SMOX: variants seen among roughly 807,000 people sequenced by gnomAD.
SMOX encodes the protein flavin containing amine oxidase.
SMOX carries 22 observed loss-of-function variants against 51.0 expected under a neutral mutation model. That is an observed-to-expected ratio of 0.43 (90% CI 0.31 to 0.62). The LOEUF (loss-of-function observed/expected upper bound fraction) is 0.62, where lower values mean the gene tolerates loss of function less well. SMOX is among the 20% of genes least tolerant of loss of function. The pLI, the probability that SMOX is intolerant of heterozygous loss-of-function variation, is 0.10. For synonymous variants in SMOX, 282 were observed against 307.8 expected, an observed-to-expected ratio of 0.92 and a Z score of 0.88; for missense variants, 566 against 777.7, an observed-to-expected ratio of 0.73 and a Z score of 3.24.
intron 1 of SMOX, among the ~76,000 whole-genome samples, chr20:4,164,383 C>T (rs1033420428): frequency 1.3e-5 from 2 of 152,184 alleles, no homozygotes; most frequent in African/African-American, 4.8e-5. Context: ...CATCTGCATG[C>T]GTTGTCACAC....
rs1468170400 is a variant in SMOX at position 4,181,935 on chromosome 20, A to G, written c.568A>G (p.Thr190Ala). ...GAATGACCCTGACGACCCAGAGGCTACCAAGCGCCTGAAGCTCGCCATGAT... is the reference window on the plus strand; with the variant it reads ...GAATGACCCTGACGACCCAGAGGCTGCCAAGCGCCTGAAGCTCGCCATGAT... ...IRNDPDDPEA[T>A]KRLKLAMIQQ... Residue 190 changes from threonine to alanine, a missense_variant, in exon 4 of 7, where the codon ACC becomes GCC. Physicochemically the swap from Thr to Ala is moderately conservative, Grantham distance 58. Around this residue, in one of 3 missense-constraint regions of SMOX, gnomAD observed 217 missense variants for 278.4 expected, o/e 0.78. Coordinates refer to ENST00000305958, the MANE Select transcript of SMOX (RefSeq NM_175839.3). This position sits in a 1 kb window ranked among gnomAD's most constrained non-coding sequence, Gnocchi z 5.6. The G allele has an allele frequency of 1.9e-6, 3 of 1,614,000 alleles. No homozygotes were observed. Among genetic ancestry groups the G allele is most frequent in the African/African-American group, 2.7e-5 (2 of 74,904 alleles).
chr20:4,183,059 G>A lies in SMOX; in HGVS notation c.1369+211G>A. ...TGACACACTCAGAATTATGGGCGCT[G>A]TGTCTCTTCCCCCTTTCTAAAGGCT... On this transcript the variant is annotated intron_variant, in intron 5 of 6. Coordinates refer to ENST00000305958, the MANE Select transcript of SMOX (RefSeq NM_175839.3). The surrounding 1 kb of genome is among the most constrained non-coding windows in gnomAD (Gnocchi z 4.3). 1 of 647,592 alleles carries A rather than the reference G, an allele frequency of 1.5e-6. No homozygotes were observed. Among genetic ancestry groups the A allele is most frequent in the East Asian group, 2.8e-5 (1 of 35,990 alleles). 40.1% of individuals were successfully genotyped at this position (647,592 alleles called of 1,614,324 possible).
Position 4,182,825 on chromosome 20 carries a change from C to T in SMOX, c.1346C>T (p.Thr449Met), listed in dbSNP as rs200727159. ...CDDEAVAEIC[T>M]EMLRQFTGNP... ...GACGAGGCAGTGGCCGAGATCTGCA[C>T]GGAGATGCTGCGTCAGTTCACAGGT... The change falls in exon 5 of 7, where the codon ACG (threonine) becomes ATG (methionine). Residue 449 changes from threonine (T) to methionine (M), a missense_variant. By Grantham distance (81) the Thr-to-Met change is moderately conservative (BLOSUM62 -1). This residue lies in a region of SMOX where 347 missense variants were observed against 481.8 expected (regional missense o/e 0.72). Transcript: ENST00000305958. This position sits in a 1 kb window ranked among gnomAD's most constrained non-coding sequence, Gnocchi z 8.4. The T allele has an allele frequency of 3.8e-5, 61 of 1,608,408 alleles. No homozygotes were observed. Among genetic ancestry groups the T allele is most frequent in the South Asian group, 4.4e-5 (4 of 91,078 alleles).
rs1431421521 is a variant in SMOX at position 4,170,346 on chromosome 20, C to G, written c.-26-4684C>G. Among the ~76,000 whole-genome samples, 1 of 152,078 alleles carries G rather than the reference C, an allele frequency of 6.6e-6. No homozygotes were observed. The highest frequency in any genetic ancestry group is 1.5e-5 in the Non-Finnish European group (1 of 68,020). ...GAAAGTGCCAGGAGTTGGGTGGTGC[C>G]TCCTGTTTAGTTCTGGGCATTTCCA... is the stretch of plus-strand genomic sequence containing the variant. On this transcript the variant is annotated intron_variant, in intron 1 of 6. Transcript: ENST00000305958. The surrounding 1 kb of genome is among the most constrained non-coding windows in gnomAD (Gnocchi z 4.6).
In SMOX at chr20:4,182,324, G is replaced by C. The variant is rs757930768; in HGVS notation, c.845G>C (p.Gly282Ala). The C allele has an allele frequency of 2.3e-5, 37 of 1,597,216 alleles. No homozygotes were observed. Among genetic ancestry groups the C allele is most frequent in the Non-Finnish European group, 3.2e-5 (37 of 1,168,492 alleles). Residue 282 changes from glycine to alanine, a missense_variant, in exon 5 of 7, where the codon GGT (glycine) becomes GCT (alanine). Physicochemically the swap from Gly to Ala is moderately conservative, Grantham distance 60. Around this residue, in one of 3 missense-constraint regions of SMOX, gnomAD observed 347 missense variants for 481.8 expected, o/e 0.72. Transcript: ENST00000305958. This position sits in a 1 kb window ranked among gnomAD's most constrained non-coding sequence, Gnocchi z 8.4. ...AGAGGCCCTGAGATTGAGCCCCGGG[G>C]TGAGGGCGACCACAATCACGACACT... is the stretch of plus-strand genomic sequence containing the variant. ...RPRGPEIEPR[G>A]EGDHNHDTGE...
At chr20:4,164,133 T>C (rs1600805048) in intron 1 of SMOX, among the ~76,000 whole-genome samples, 3 of 152,248 alleles carry the variant, frequency 2.0e-5, no homozygotes, top group Admixed American at 6.5e-5. Context: ...TTCTTCCCAT[T>C]GTCATTCCAT....
chr20:4,162,155 C>T (rs1454094524), intron 1 of SMOX, among the ~76,000 whole-genome samples: 4 of 152,344 alleles, frequency 2.6e-5, no homozygotes, highest in Admixed American at 2.0e-4. Context: ...CCAGGAAGCG[C>T]AGGGCGGCCC....
chr20:4,182,792 A>G lies in SMOX; in HGVS notation c.1313A>G (p.Lys438Arg). 1.3e-6 allele frequency: 2 copies of G among 1,520,374 alleles called. No homozygotes were observed. Among genetic ancestry groups the G allele is most frequent in the Non-Finnish European group, 8.8e-7 (1 of 1,133,170 alleles). The allele number at this position is 1,520,374 out of a possible 1,614,324, so 94.2% of individuals were successfully genotyped here. ...ICGEEALVME[K>R]CDDEAVAEIC... is the part of the protein sequence containing the mutation. Reference sequence around the variant, plus strand: ...GGGGAGGAGGCCCTCGTCATGGAGAAGTGTGATGACGAGGCAGTGGCCGAG... The same window carrying G: ...GGGGAGGAGGCCCTCGTCATGGAGAGGTGTGATGACGAGGCAGTGGCCGAG... The change falls in exon 5 of 7, where the codon AAG becomes AGG. Residue 438 changes from lysine (K) to arginine (R), a missense_variant. Lys to Arg is a conservative substitution (Grantham distance 26, BLOSUM62 2). Around this residue, in one of 3 missense-constraint regions of SMOX, gnomAD observed 347 missense variants for 481.8 expected, o/e 0.72. Coordinates refer to ENST00000305958, the MANE Select transcript of SMOX (RefSeq NM_175839.3). This position sits in a 1 kb window ranked among gnomAD's most constrained non-coding sequence, Gnocchi z 8.4.
intron 1 of SMOX, among the ~76,000 whole-genome samples, chr20:4,163,931 T>C (rs958872404): frequency 6.6e-5 from 10 of 152,134 alleles, no homozygotes; most frequent in Admixed American, 2.0e-4. Context: ...TTAGCTGCAA[T>C]GGTCAGCTTG....
intron 1 of SMOX, among the ~76,000 whole-genome samples, chr20:4,173,092 T>C (rs1379604666): frequency 6.6e-6 from 1 of 152,214 alleles, no homozygotes; most frequent in Non-Finnish European, 1.5e-5. Context: ...TAGTGAGGTC[T>C]ATGTAGATAC....
chr20:4,152,911 A>G (rs996824136), intron 1 of SMOX, among the ~76,000 whole-genome samples: 1 of 152,210 alleles, frequency 6.6e-6, no homozygotes, highest in Non-Finnish European at 1.5e-5. Context: ...ATAATAACAG[A>G]GTAAGGATTG....
intron 1 of SMOX, 115 bp from the exon 2 acceptor site, chr20:4,174,915 C>T (rs1978709418): frequency 1.4e-5 from 15 of 1,047,334 alleles, no homozygotes; most frequent in Non-Finnish European, 1.7e-5. Context: ...GAGAGGACTC[C>T]AGGTCCCCCC....
In SMOX at chr20:4,187,487, T is replaced by C; in HGVS notation, c.*80T>C. 1 of 1,561,278 alleles carries C rather than the reference T, an allele frequency of 6.4e-7. No homozygotes were observed. The highest frequency in any genetic ancestry group is 8.7e-7 in the Non-Finnish European group (1 of 1,150,996). ...TTGCTGCCGTGTGCTCCTGCCTTCC[T>C]GATCCTCTGTAGAAAGGATTTTTAT... On this transcript the variant is annotated 3_prime_UTR_variant, in exon 7 of 7. Coordinates refer to ENST00000305958, the MANE Select transcript of SMOX (RefSeq NM_175839.3). This position sits in a 1 kb window ranked among gnomAD's most constrained non-coding sequence, Gnocchi z 4.8.
chr20:4,168,917 T>G (rs191847585), intron 1 of SMOX, among the ~76,000 whole-genome samples: 1 of 141,826 alleles, frequency 7.1e-6, no homozygotes, highest in African/African-American at 2.7e-5. Flanking sequence ...TTTATTTTAT[T>G]TTATTTTATT....
Position 4,182,009 on chromosome 20 carries a change from T to C in SMOX, c.609+33T>C, listed in dbSNP as rs1979362586. Reference sequence around the variant, plus strand: ...GAGGAAGACGGATTCTGGGGGCGTCTGGGTCTGAGGAGGGCTACGCTGCTC... The same window carrying C: ...GAGGAAGACGGATTCTGGGGGCGTCCGGGTCTGAGGAGGGCTACGCTGCTC... On this transcript the variant is annotated intron_variant, in intron 4 of 6. Transcript: ENST00000305958. The surrounding 1 kb of genome is among the most constrained non-coding windows in gnomAD (Gnocchi z 8.4). The C allele has an allele frequency of 1.2e-6, 2 of 1,610,454 alleles. No individual in the cohort carries two copies. The highest frequency in any genetic ancestry group is 1.7e-6 in the Non-Finnish European group (2 of 1,178,056).
At chr20:4,174,378 C>A (rs546871347) in intron 1 of SMOX, among the ~76,000 whole-genome samples, 1 of 151,638 alleles carries the variant, frequency 6.6e-6, no homozygotes, top group Non-Finnish European at 1.5e-5. Context: ...CAAGTATCTT[C>A]GGGTCCAGGC....
At position 4,182,378 on chromosome 20, in the gene SMOX, C is replaced by G; in HGVS notation, c.899C>G (p.Pro300Arg). 4 of 1,596,550 alleles carry G rather than the reference C, an allele frequency of 2.5e-6. No individual in the cohort carries two copies. The highest frequency in any genetic ancestry group is 3.4e-6 in the Non-Finnish European group (4 of 1,170,088). ...GAGGGTGGCCAGGGTGGAGAGGAGC[C>G]CCGGGGGGGCAGGTGGGATGAGGAT... is the stretch of plus-strand genomic sequence containing the variant. Reference protein sequence around the residue: ...TGEGGQGGEEPRGGRWDEDEQ... With the variant: ...TGEGGQGGEERRGGRWDEDEQ... Residue 300 changes from proline to arginine, a missense_variant, in exon 5 of 7, where the codon CCC becomes CGC. Physicochemically the swap from Pro to Arg is moderately radical, Grantham distance 103. This residue lies in a region of SMOX where 347 missense variants were observed against 481.8 expected (regional missense o/e 0.72). Transcript: ENST00000305958. The surrounding 1 kb of genome is among the most constrained non-coding windows in gnomAD (Gnocchi z 8.4).
chr20:4,185,007 A>C (rs951274412), intron 6 of SMOX, among the ~76,000 whole-genome samples: 3 of 152,256 alleles, frequency 2.0e-5, no homozygotes, highest in Non-Finnish European at 1.5e-5. Flanking sequence ...GAGGAAAGGC[A>C]GATGGCAAGA....
rs1461568839 is a variant in SMOX, at chr20:4,177,297, G to A, written c.209-54G>A. ...GAGGAAGGAGGGGGAAGCAGTGCTG[G>A]CCCTCTCTGGAGAAGTCCCTAAGCC... On this transcript the variant is annotated intron_variant, in intron 2 of 6. Coordinates refer to ENST00000305958, the MANE Select transcript of SMOX (RefSeq NM_175839.3). This position sits in a 1 kb window ranked among gnomAD's most constrained non-coding sequence, Gnocchi z 4.3. The A allele has an allele frequency of 6.9e-7, 1 of 1,457,986 alleles. No homozygotes were observed. Among genetic ancestry groups the A allele is most frequent in the African/African-American group, 1.4e-5 (1 of 70,974 alleles). The allele number at this position is 1,457,986 out of a possible 1,614,324, so 90.3% of individuals were successfully genotyped here.
Sources: gnomAD v4.1 joint callset for allele counts (sites outside exome capture counted in the v4.1 genomes callset) on GRCh38, gnomAD v4.1.1 for gene constraint, gnomAD v4.1.1 regional missense constraint, Gnocchi (gnomAD v3.1) non-coding constraint, MANE v1.5 for transcripts, NCBI Gene and HGNC (gene_info 2026-07-23, HGNC 2026-07-21) for gene names.